SORCS3: variants seen among roughly 807,000 people sequenced by gnomAD.
SORCS3 encodes the protein VPS10 domain-containing receptor SorCS3.
In SORCS3, 57 loss-of-function variants were observed where a neutral mutation model predicts 146.3. The observed-to-expected ratio is 0.39, with a 90% CI of 0.31 to 0.49. SORCS3 has a LOEUF of 0.49. Among genes scored for constraint, SORCS3 ranks in the 20% least tolerant of loss-of-function variants. SORCS3 has a pLI of 0.92. For missense variants in SORCS3, 1,341 were observed against 1,575.5 expected (o/e 0.85, Z 2.52); for synonymous variants, 653 against 618.5 (o/e 1.06, Z -0.83).
At chr10:105,122,836 G>A (rs1452264) in intron 7 of SORCS3, among the ~76,000 whole-genome samples, 73,639 of 152,056 alleles carry the variant, frequency 0.48, 18,380 homozygotes, top group Non-Finnish European at 0.54. Context: ...GAGGGGCTCA[G>A]CTTGAGGACC....
At chr10:105,223,894 A>C (rs148378591) in intron 20 of SORCS3, among the ~76,000 whole-genome samples, 36 of 152,290 alleles carry the variant, frequency 2.4e-4, no homozygotes, top group African/African-American at 8.7e-4. Context: ...CTCAGAGGTA[A>C]TGTTCTTCTC....
intron 20 of SORCS3, among the ~76,000 whole-genome samples, chr10:105,231,306 A>G (rs2056764040): frequency 6.6e-6 from 1 of 152,178 alleles, no homozygotes; most frequent in African/African-American, 2.4e-5. Context: ...TTTAATTCAA[A>G]TCACACTTGT....
intron 2 of SORCS3, among the ~76,000 whole-genome samples, chr10:104,848,206 G>C (rs1163429679): frequency 6.6e-6 from 1 of 152,066 alleles, no homozygotes; most frequent in Non-Finnish European, 1.5e-5. Flanking sequence ...CATGTATTGA[G>C]TTGTCTCATA....
At chr10:104,995,739 A>T (rs2055023216) in intron 4 of SORCS3, among the ~76,000 whole-genome samples, 1 of 152,160 alleles carries the variant, frequency 6.6e-6, no homozygotes, top group Non-Finnish European at 1.5e-5. Context: ...GTGTCTCTCA[A>T]TGAAGAGAAG....
chr10:104,922,771 T>C (rs2019100074), intron 3 of SORCS3, among the ~76,000 whole-genome samples: 1 of 131,800 alleles, frequency 7.6e-6, no homozygotes, highest in Non-Finnish European at 1.6e-5. Context: ...GCATGTGGCA[T>C]ATTCAAGTGG....
chr10:104,683,569 A>G (rs575858450), intron 1 of SORCS3, among the ~76,000 whole-genome samples: 13 of 152,364 alleles, frequency 8.5e-5, no homozygotes, highest in African/African-American at 3.1e-4. Flanking sequence ...TGATGCTATC[A>G]TGATGGCTCA....
chr10:105,143,851 C>T (rs2056112205), intron 8 of SORCS3, among the ~76,000 whole-genome samples: 1 of 152,160 alleles, frequency 6.6e-6, no homozygotes, highest in Non-Finnish European at 1.5e-5. Context: ...ACCAGTCTGT[C>T]TCCTGGGAAC....
intron 1 of SORCS3, among the ~76,000 whole-genome samples, chr10:104,821,000 G>T (rs1410182402): frequency 6.6e-6 from 1 of 152,186 alleles, no homozygotes; most frequent in Non-Finnish European, 1.5e-5. Context: ...TGATTGAACA[G>T]AAAGGACTAG....
At chr10:104,980,895 A>G (rs1386686547) in intron 4 of SORCS3, among the ~76,000 whole-genome samples, 2 of 152,218 alleles carry the variant, frequency 1.3e-5, no homozygotes, top group African/African-American at 4.8e-5. Flanking sequence ...AATTGCATCT[A>G]GAAATCGAGA....
intron 3 of SORCS3, among the ~76,000 whole-genome samples, chr10:104,946,170 G>T (rs558820250): frequency 6.6e-6 from 1 of 151,962 alleles, no homozygotes; most frequent in East Asian, 1.9e-4. Flanking sequence ...AATGACAGGT[G>T]GTGGTGATGA....
intron 2 of SORCS3, among the ~76,000 whole-genome samples, chr10:104,876,442 G>A (rs2018572388): frequency 6.6e-6 from 1 of 152,172 alleles, no homozygotes; most frequent in Non-Finnish European, 1.5e-5. Context: ...CACAGAGGTT[G>A]TCTGGCACTT....
rs759836558 is a variant in SORCS3, at chr10:105,157,171, A to C, written c.1516A>C (p.Lys506Gln). Residue 506 changes from lysine (K) to glutamine (Q), a missense_variant, in exon 10 of 27, where the codon AAG (lysine) becomes CAG (glutamine). Coordinates refer to ENST00000369701, the MANE Select transcript of SORCS3 (RefSeq NM_014978.3). ...AGIKGIFLAN[K>Q]KVDDQVKTYI... ...TATCAAAGGGATATTTCTGGCAAAC[A>C]AGAAGGTGGACGACCAGGTGAAGAC... 2 of 1,614,000 alleles carry C rather than the reference A, an allele frequency of 1.2e-6. No individual in the cohort carries two copies. Among genetic ancestry groups the C allele is most frequent in the South Asian group, 2.2e-5 (2 of 91,076 alleles).
chr10:105,051,245 C>G (rs577430138), intron 5 of SORCS3, among the ~76,000 whole-genome samples: 2 of 152,020 alleles, frequency 1.3e-5, no homozygotes, highest in African/African-American at 4.8e-5. Context: ...ACTAGAAGTA[C>G]TAATATAAAT....
At chr10:105,016,384 C>T (rs1042897120) in intron 4 of SORCS3, among the ~76,000 whole-genome samples, 2 of 151,226 alleles carry the variant, frequency 1.3e-5, no homozygotes, top group Non-Finnish European at 2.9e-5. Flanking sequence ...CTCTTGTCCT[C>T]ATGATCCACC....
At chr10:104,706,970 C>T (rs759855420) in intron 1 of SORCS3, among the ~76,000 whole-genome samples, 2 of 152,036 alleles carry the variant, frequency 1.3e-5, no homozygotes, top group Non-Finnish European at 2.9e-5. Flanking sequence ...GAGACAGAGA[C>T]TAAAGTTTTT....
chr10:104,805,606 ATTT>A (rs1170076962), intron 1 of SORCS3, among the ~76,000 whole-genome samples: 1 of 152,090 alleles, frequency 6.6e-6, no homozygotes, highest in Non-Finnish European at 1.5e-5. Context: ...GTGTGATAGA[ATTT>A]GACAAGGCTT....
intron 11 of SORCS3, among the ~76,000 whole-genome samples, chr10:105,161,652 G>A (rs779156549): frequency 2.6e-5 from 4 of 152,170 alleles, no homozygotes; most frequent in African/African-American, 7.2e-5. Flanking sequence ...TAACACTGTG[G>A]TTTCAAGCTA....
At chr10:105,077,430 C>A (rs1373449470) in intron 5 of SORCS3, among the ~76,000 whole-genome samples, 1 of 151,872 alleles carries the variant, frequency 6.6e-6, no homozygotes, top group Middle Eastern at 3.4e-3. Context: ...CAATAACTAT[C>A]CAGGTGTCAT....
intron 1 of SORCS3, among the ~76,000 whole-genome samples, chr10:104,650,451 T>TGG (rs544829031): frequency 1.3e-5 from 2 of 151,726 alleles, no homozygotes; most frequent in Admixed American, 1.3e-4. Flanking sequence ...TTTTCAATCC[T>TGG]GGGGGGGGCT....
Sources: allele counts gnomAD v4.1 joint callset (sites outside exome capture counted in the v4.1 genomes callset), GRCh38; gene constraint gnomAD v4.1.1; transcripts MANE v1.5; gene names NCBI Gene and HGNC (gene_info 2026-07-23, HGNC 2026-07-21).